ZBED4: variants seen among roughly 807,000 people sequenced by gnomAD.
ZBED4 encodes the protein zinc finger BED-type containing 4.
Under a neutral mutation model 15.5 loss-of-function variants are expected in ZBED4, and 4 were observed. The ratio of observed to expected loss-of-function variants is 0.26; its 90% confidence interval spans 0.13 to 0.59. The LOEUF (loss-of-function observed/expected upper bound fraction) is 0.59, where lower values mean the gene tolerates loss of function less well. Among genes scored for constraint, ZBED4 ranks in the 20% least tolerant of loss-of-function variants. ZBED4 has a pLI of 0.90. For missense variants in ZBED4, 1,323 were observed against 1,461.8 expected (o/e 0.91, Z 1.55); for synonymous variants, 692 against 608.5 (o/e 1.14, Z -2.02).
intron 1 of ZBED4, among the ~76,000 whole-genome samples, chr22:49,867,424 A>G (rs1188142256): frequency 1.3e-5 from 2 of 152,146 alleles, no homozygotes; most frequent in East Asian, 3.9e-4. Flanking sequence ...CAGTTGGCTG[A>G]CGGTATTGCT....
intron 1 of ZBED4, among the ~76,000 whole-genome samples, chr22:49,881,502 C>T (rs1021030676): frequency 6.6e-6 from 1 of 152,190 alleles, no homozygotes; most frequent in African/African-American, 2.4e-5. Flanking sequence ...CATGTCTCCT[C>T]AGCCTTCCAA....
At chr22:49,874,197 C>G (rs1457529624) in intron 1 of ZBED4, among the ~76,000 whole-genome samples, 2 of 152,180 alleles carry the variant, frequency 1.3e-5, no homozygotes, top group African/African-American at 2.4e-5. Context: ...AGCACTCACT[C>G]TTTCACTGAT....
At chr22:49,855,382 G>A (rs1190159264) in intron 1 of ZBED4, among the ~76,000 whole-genome samples, 1 of 152,170 alleles carries the variant, frequency 6.6e-6, no homozygotes, top group Admixed American at 6.5e-5. Context: ...TCCTGAATAA[G>A]GTGGTTGATG....
chr22:49,886,397 T>C lies in ZBED4; in HGVS notation c.2735T>C (p.Met912Thr), dbSNP rs1569166010. Residue 912 changes from methionine to threonine, a missense_variant, in exon 2 of 2, where the codon ATG becomes ACG. Physicochemically the swap from Met to Thr is moderately conservative, Grantham distance 81. This residue lies in a region of ZBED4 where 312 missense variants were observed against 410.7 expected (regional missense o/e 0.76). Coordinates refer to ENST00000216268, the MANE Select transcript of ZBED4 (RefSeq NM_014838.3). The surrounding 1 kb of genome is among the most constrained non-coding windows in gnomAD (Gnocchi z 7.7). Reference protein sequence around the residue: ...LIEQKRAINEMSVECNFRELI... With the variant: ...LIEQKRAINETSVECNFRELI... ...GAGCAGAAAAGGGCCATTAACGAGA[T>C]GTCCGTCGAGTGTAACTTCCGAGAG... is the stretch of plus-strand genomic sequence containing the variant. 1 of 1,607,534 alleles carries C rather than the reference T, an allele frequency of 6.2e-7. No homozygotes were observed. Among genetic ancestry groups the C allele is most frequent in the Non-Finnish European group, 8.5e-7 (1 of 1,175,384 alleles).
rs1045816599 is a variant in ZBED4 at position 49,874,803 on chromosome 22, C to T, written c.-329-8531C>T. ...GTTCAAGCGATTCTCCTGCCTCAGCCTCCTGAGTAGCTGGGAAAACAGGTG... is the reference window on the plus strand; with the variant it reads ...GTTCAAGCGATTCTCCTGCCTCAGCTTCCTGAGTAGCTGGGAAAACAGGTG... On this transcript the variant is annotated intron_variant, in intron 1 of 1. Coordinates refer to ENST00000216268, the MANE Select transcript of ZBED4 (RefSeq NM_014838.3). 3.3e-5 allele frequency among the ~76,000 whole-genome samples: 5 copies of T among 150,936 alleles called. No individual in the cohort carries two copies. In the East Asian group the frequency reaches 9.8e-4, roughly 30 times the overall value.
At chr22:49,882,903 G>C (rs953665577) in intron 1 of ZBED4, among the ~76,000 whole-genome samples, 2 of 152,232 alleles carry the variant, frequency 1.3e-5, no homozygotes, top group Non-Finnish European at 1.5e-5. Flanking sequence ...TCACACGTTA[G>C]CTAGAGTTTT....
At chr22:49,859,645 C>T (rs569307265) in intron 1 of ZBED4, among the ~76,000 whole-genome samples, 6 of 152,282 alleles carry the variant, frequency 3.9e-5, no homozygotes, top group African/African-American at 9.6e-5. Context: ...GCCCTGTTCG[C>T]GGACACAGCT....
At position 49,885,052 on chromosome 22, in the gene ZBED4, C is replaced by T. The variant is rs1348181624; in HGVS notation, c.1390C>T (p.His464Tyr). 1.2e-6 allele frequency: 2 copies of T among 1,612,068 alleles called. No homozygotes were observed. Among genetic ancestry groups the T allele is most frequent in the South Asian group, 1.1e-5 (1 of 90,886 alleles). Residue 464 changes from histidine (H) to tyrosine (Y), a missense_variant, in exon 2 of 2, where the codon CAC becomes TAC. Around this residue, in one of 6 missense-constraint regions of ZBED4, gnomAD observed 429 missense variants for 397.9 expected, o/e 1.08. Transcript: ENST00000216268. ...MKRLKSEVWH[H>Y]FSLAPMDSLK... The stretch of plus-strand genomic sequence containing the variant: ...AAGACTGAAGTCGGAGGTCTGGCAT[C>T]ACTTCTCCCTGGCCCCCATGGACAG...
rs373234285 is a variant in ZBED4 at position 49,858,087 on chromosome 22, A to G, written c.-330+4098A>G. ...CAGCCAGTTTTTGTATTTTTAGTAG[A>G]GATGGGCTGTCACCATGTTGGCCAG... is the stretch of plus-strand genomic sequence containing the variant. On this transcript the variant is annotated intron_variant, in intron 1 of 1. Transcript: ENST00000216268. Among the ~76,000 whole-genome samples the G allele has an allele frequency of 1.1e-4, 17 of 152,120 alleles. No homozygotes were observed. In the East Asian group the frequency reaches 1.9e-3, roughly 17 times the overall value.
At chr22:49,872,859 G>T (rs1161173891) in intron 1 of ZBED4, among the ~76,000 whole-genome samples, 1 of 152,018 alleles carries the variant, frequency 6.6e-6, no homozygotes, top group African/African-American at 2.4e-5. Flanking sequence ...GCACCTGCCG[G>T]CTAATTTTTT....
chr22:49,855,581 G>GGTGT (rs143552178), intron 1 of ZBED4, among the ~76,000 whole-genome samples: 29 of 151,694 alleles, frequency 1.9e-4, no homozygotes, highest in African/African-American at 6.5e-4. Flanking sequence ...TTTAGCGAAA[G>GGTGT]GTGTGTGTGT....
In ZBED4 at chr22:49,875,856, A is replaced by AT. The variant is rs1193822727; in HGVS notation, c.-329-7471dup. Among the ~76,000 whole-genome samples the AT allele has an allele frequency of 3.3e-5, 5 of 151,054 alleles. No homozygotes were observed. In the East Asian group the frequency reaches 7.8e-4, roughly 23 times the overall value. On this transcript the variant is annotated intron_variant, in intron 1 of 1. Transcript: ENST00000216268. The stretch of plus-strand genomic sequence containing the variant: ...GGTAGTGGTAAATTCTGTCTTCTCC[A>AT]TTTTTTTCTCTAATCAATATTTGTA...
At chr22:49,858,479 G>A (rs1033665) in intron 1 of ZBED4, among the ~76,000 whole-genome samples, 97,807 of 152,042 alleles carry the variant, frequency 0.64, 35,630 homozygotes, top group East Asian at 0.86. Context: ...AGTTGAACAC[G>A]AATATATTTC....
chr22:49,876,670 G>T, intron 1 of ZBED4, among the ~76,000 whole-genome samples: 1 of 151,872 alleles, frequency 6.6e-6, no homozygotes. Flanking sequence ...ATACTCACCG[G>T]CAGTGCTTGC....
chr22:49,883,704 T>G lies in ZBED4; in HGVS notation c.42T>G (p.Asp14Glu), dbSNP rs80100118. 1,013 of 1,604,482 alleles carry G rather than the reference T, an allele frequency of 6.3e-4. 9 individuals carry two copies. The East Asian group carries it at 0.022, about 34-fold the overall frequency. The change falls in exon 2 of 2, where the codon GAT becomes GAG. Residue 14 changes from aspartate to glutamate, a missense_variant. Around this residue, in one of 6 missense-constraint regions of ZBED4, gnomAD observed 380 missense variants for 413.7 expected, o/e 0.92. Coordinates refer to ENST00000216268, the MANE Select transcript of ZBED4 (RefSeq NM_014838.3). ...NLKTCPKEDGDFVSDKIKFKI... is the reference protein window; with the variant it reads ...NLKTCPKEDGEFVSDKIKFKI... ...AAACTTGTCCCAAAGAGGACGGTGA[T>G]TTCGTTTCTGATAAAATAAAGTTTA... is the stretch of plus-strand genomic sequence containing the variant.
At chr22:49,864,947 C>CT (rs1357242822) in intron 1 of ZBED4, among the ~76,000 whole-genome samples, 2 of 91,732 alleles carry the variant, frequency 2.2e-5, no homozygotes, top group Admixed American at 1.9e-4. Context: ...GCCCCCCCCC[C>CT]CCCCCGTGAA....
chr22:49,860,927 C>T (rs1191706923), intron 1 of ZBED4, among the ~76,000 whole-genome samples: 1 of 151,838 alleles, frequency 6.6e-6, no homozygotes, highest in African/African-American at 2.4e-5. Flanking sequence ...TACAGGCGCC[C>T]ACCACCACGC....
chr22:49,855,520 G>T (rs549368541), intron 1 of ZBED4, among the ~76,000 whole-genome samples: 1 of 152,282 alleles, frequency 6.6e-6, no homozygotes, highest in South Asian at 2.1e-4. Flanking sequence ...AAAATTACTA[G>T]GGGAGCGGAC....
chr22:49,879,641 G>A (rs994268934), intron 1 of ZBED4, among the ~76,000 whole-genome samples: 4 of 102,730 alleles, frequency 3.9e-5, no homozygotes, highest in Admixed American at 2.0e-4. Context: ...GTGTCTGGGC[G>A]TGTTTCTATT....
Sources: allele counts gnomAD v4.1 joint callset (sites outside exome capture counted in the v4.1 genomes callset), GRCh38; gene constraint gnomAD v4.1.1; regional missense constraint gnomAD v4.1.1; non-coding constraint Gnocchi (gnomAD v3.1); transcripts MANE v1.5; gene names NCBI Gene and HGNC (gene_info 2026-07-23, HGNC 2026-07-21).